FGF13: variants seen among roughly 807,000 people sequenced by gnomAD.
FGF13 encodes fibroblast growth factor homologous factor 2.
In FGF13, 2 loss-of-function variants were observed where a neutral mutation model predicts 19.5. That is an observed-to-expected ratio of 0.10 (90% CI 0.04 to 0.32). The LOEUF is 0.32. Ranked by LOEUF, FGF13 falls within the 10% of genes least tolerant of loss-of-function variation. The pLI, the probability that FGF13 is intolerant of heterozygous loss-of-function variation, is 1.00. For missense variants in FGF13, 113 were observed against 192.7 expected, an observed-to-expected ratio of 0.59 and a Z score of 2.45; for synonymous variants, 72 against 76.9, an observed-to-expected ratio of 0.94 and a Z score of 0.33.
In FGF13 at chrX:138,837,707, G is replaced by C. The variant is rs2091122478; in HGVS notation, c.217+19805C>G. On this transcript the variant is annotated intron_variant, in intron 3 of 6. Transcript: ENST00000436198. ...TACTGGGGACCTGCTTAAAGAAGAAGTCTGACCATGCTTTTGTAGAGCCGC... is the reference window on the plus strand; with the variant it reads ...TACTGGGGACCTGCTTAAAGAAGAACTCTGACCATGCTTTTGTAGAGCCGC... 2.7e-5 allele frequency among the ~76,000 whole-genome samples: 3 copies of C among 112,096 alleles called. 1 individual carries two copies. Among genetic ancestry groups the C allele is most frequent in the Admixed American group, 1.9e-4 (2 of 10,650 alleles).
chrX:139,051,902 A>G (rs144516534), intron 1 of FGF13, among the ~76,000 whole-genome samples: 1,420 of 112,688 alleles, frequency 0.013, 28 homozygotes, highest in African/African-American at 0.043. Flanking sequence ...CAATCCAACA[A>G]TGGAATATCC....
At chrX:138,652,173 C>T (rs1202032614) in intron 3 of FGF13, among the ~76,000 whole-genome samples, 3 of 111,389 alleles carry the variant, frequency 2.7e-5, no homozygotes, top group Non-Finnish European at 5.7e-5. Context: ...ACCTCTGACT[C>T]TTTGAACTGG....
chrX:139,012,683 A>G (rs1162356409), intron 1 of FGF13, among the ~76,000 whole-genome samples: 1 of 111,949 alleles, frequency 8.9e-6, no homozygotes, highest in East Asian at 2.8e-4. Flanking sequence ...CTCCTACCCT[A>G]TACAAAAATC....
At chrX:138,929,418 G>T (rs767336039) in intron 1 of FGF13, among the ~76,000 whole-genome samples, 1 of 110,831 alleles carries the variant, frequency 9.0e-6, no homozygotes, top group African/African-American at 3.3e-5. Flanking sequence ...AGATCTAGGG[G>T]CAGGCTGTAA....
At chrX:138,913,655 A>G (rs868523479) in intron 1 of FGF13, among the ~76,000 whole-genome samples, 2 of 80,183 alleles carry the variant, frequency 2.5e-5, no homozygotes, top group Non-Finnish European at 4.8e-5. Flanking sequence ...GAAGGAAGGA[A>G]GGAAGGAAGG....
intron 1 of FGF13, among the ~76,000 whole-genome samples, chrX:138,865,486 C>CCTCT (rs1328298183): frequency 4.3e-5 from 4 of 93,069 alleles, no homozygotes; most frequent in Non-Finnish European, 6.6e-5. Context: ...CTCTCTCTCT[C>CCTCT]CTCTCTCTCT....
At chrX:139,166,193 G>A (rs1370192278) in intron 1 of FGF13, among the ~76,000 whole-genome samples, 1 of 111,833 alleles carries the variant, frequency 8.9e-6, no homozygotes, top group African/African-American at 3.3e-5. Flanking sequence ...CACGTGTCAT[G>A]TGAGGGACCC....
chrX:139,011,364 A>AC (rs1422119147), intron 1 of FGF13, among the ~76,000 whole-genome samples: 3 of 7,046 alleles, frequency 4.3e-4, no homozygotes, highest in East Asian at 7.0e-3. Flanking sequence ...AAACAAACAA[A>AC]AAAAAAAAAA....
intron 1 of FGF13, among the ~76,000 whole-genome samples, chrX:139,060,462 C>T (rs999688416): frequency 9.0e-6 from 1 of 111,179 alleles, no homozygotes; most frequent in African/African-American, 3.3e-5. Context: ...CAGCAGACAC[C>T]CTGAGCTCAC....
intron 1 of FGF13, among the ~76,000 whole-genome samples, chrX:138,928,787 A>G (rs1259804314): frequency 9.0e-6 from 1 of 111,594 alleles, no homozygotes; most frequent in Non-Finnish European, 1.9e-5. Flanking sequence ...GTGCCTCAAT[A>G]TCAATGAGAC....
At chrX:138,870,772 T>C (rs1306437783) in intron 1 of FGF13, among the ~76,000 whole-genome samples, 1 of 112,559 alleles carries the variant, frequency 8.9e-6, no homozygotes, top group Admixed American at 9.4e-5. Context: ...TTGCCATTGC[T>C]GGCTTTGGAG....
intron 3 of FGF13, among the ~76,000 whole-genome samples, chrX:138,755,178 T>C (rs1018827209): frequency 8.9e-6 from 1 of 112,100 alleles, no homozygotes; most frequent in East Asian, 2.8e-4. Context: ...GTAAGTTTTA[T>C]GAGGGCAGTA....
Position 138,626,256 on chromosome X carries a change from C to G in FGF13, c.*6594G>C, listed in dbSNP as rs963438496. The G allele has an allele frequency of 8.9e-6, 1 of 111,979 alleles. No homozygotes were observed. The highest frequency in any genetic ancestry group is 1.9e-5 in the Non-Finnish European group (1 of 53,198). 9.2% of individuals were successfully genotyped at this position (111,979 alleles called of 1,213,427 possible). A position where few individuals can be genotyped will look rare whatever the true frequency, so the allele number is the denominator to read the frequency against. ...CACTTGCATACCAGGGGCTCTGCCC[C>G]TCATTGTCCAGCTACACTAGGCTAA... On this transcript the variant is annotated 3_prime_UTR_variant, in exon 5 of 5. Transcript: ENST00000315930.
chrX:138,902,353 A>T (rs1489094162), intron 1 of FGF13, among the ~76,000 whole-genome samples: 1 of 111,994 alleles, frequency 8.9e-6, no homozygotes, highest in East Asian at 2.8e-4. Flanking sequence ...TATAAGCTTG[A>T]AAACAAAGTG....
At chrX:139,026,887 G>A (rs1351653735) in intron 1 of FGF13, among the ~76,000 whole-genome samples, 1 of 112,010 alleles carries the variant, frequency 8.9e-6, no homozygotes, top group African/African-American at 3.2e-5. Flanking sequence ...GAAAACCAGT[G>A]GCAGATGGAC....
At chrX:138,944,395 T>C (rs933922187) in intron 1 of FGF13, among the ~76,000 whole-genome samples, 2 of 110,695 alleles carry the variant, frequency 1.8e-5, no homozygotes, top group Non-Finnish European at 3.8e-5. Flanking sequence ...AACTCAACCA[T>C]CTACTGCCTT....
chrX:138,954,906 T>C (rs138671169), intron 1 of FGF13, among the ~76,000 whole-genome samples: 2,363 of 112,121 alleles, frequency 0.021, 68 homozygotes, highest in African/African-American at 0.072. Flanking sequence ...TAGGAAGTCA[T>C]AGGCCTCATT....
intron 1 of FGF13, among the ~76,000 whole-genome samples, chrX:139,140,596 G>A (rs1447625323): frequency 1.8e-5 from 2 of 111,019 alleles, no homozygotes; most frequent in African/African-American, 3.3e-5. Flanking sequence ...GAAGCCCCTG[G>A]TCCAAGTCAT....
chrX:138,984,554 GAAGAAGAAGAAGAAGAAGAAGAAGAAGA>G (rs2091980828), intron 1 of FGF13, among the ~76,000 whole-genome samples: 1 of 39,652 alleles, frequency 2.5e-5, no homozygotes, highest in Non-Finnish European at 4.9e-5. Flanking sequence ...AGAAGAAGAA[GAAGAAGAAGAAGAAGAAGAAGAAGAAGA>G]AGAAGAAGGA....
Sources: gnomAD v4.1 joint callset for allele counts (sites outside exome capture counted in the v4.1 genomes callset) on GRCh38, gnomAD v4.1.1 for gene constraint, MANE v1.5 for transcripts, NCBI Gene and HGNC (gene_info 2026-07-23, HGNC 2026-07-21) for gene names.